HSPG2: variants seen among roughly 807,000 people sequenced by gnomAD.
HSPG2 encodes basement membrane-specific heparan sulfate proteoglycan core protein.
In HSPG2, 278 loss-of-function variants were observed where a neutral mutation model predicts 526.6. That is an observed-to-expected ratio of 0.53 (90% CI 0.48 to 0.58). The LOEUF (loss-of-function observed/expected upper bound fraction) is 0.58. Ranked by LOEUF, HSPG2 falls within the 20% of genes least tolerant of loss-of-function variation. The probability of loss-of-function intolerance (pLI) is 0.00; values close to 1 mark genes in which losing one functional copy is unlikely to be tolerated. For synonymous variants in HSPG2, 2,465 were observed against 2,555.4 expected, an observed-to-expected ratio of 0.96 and a Z score of 1.07; for missense variants, 5,354 against 6,099.5, an observed-to-expected ratio of 0.88 and a Z score of 4.07.
intron 75 of HSPG2, among the ~76,000 whole-genome samples, chr1:21,836,453 T>C (rs960272345): frequency 2.0e-5 from 3 of 152,106 alleles, no homozygotes; most frequent in Non-Finnish European, 4.4e-5. Flanking sequence ...TCCAGCGTAG[T>C]TGGGATTACA....
rs1214109173 is a variant in HSPG2 at position 21,875,612 on chromosome 1, G to A, written c.3302+17C>T. 1 of 1,591,134 alleles carries A rather than the reference G, an allele frequency of 6.3e-7. No homozygotes were observed. Among genetic ancestry groups the A allele is most frequent in the Non-Finnish European group, 8.5e-7 (1 of 1,171,532 alleles). On this transcript the variant is annotated intron_variant, in intron 25 of 96. Coordinates refer to ENST00000374695, the MANE Select transcript of HSPG2 (RefSeq NM_005529.7). Reference sequence around the variant, plus strand: ...TCCCCAAGCCCATGCTGGTCCTCCTGCCCCGGCTCCAGACACCTGCTCTCA... The same window carrying A: ...TCCCCAAGCCCATGCTGGTCCTCCTACCCCGGCTCCAGACACCTGCTCTCA...
At position 21,855,688 on chromosome 1, in the gene HSPG2, C is replaced by G; in HGVS notation, c.5702-13G>C. ...CCGCCGGGGCCCCCTGACGAGTAGA[C>G]GTGGGGTCAGCACCCACCAAGCCTG... On this transcript the variant is annotated splice_polypyrimidine_tract_variant and intron_variant, in intron 45 of 96. Transcript: ENST00000374695. 6.3e-7 allele frequency: 1 copy of G among 1,581,976 alleles called. No homozygotes were observed. The highest frequency in any genetic ancestry group is 8.6e-7 in the Non-Finnish European group (1 of 1,166,358).
At chr1:21,903,446 C>T (rs1283076612) in intron 1 of HSPG2, among the ~76,000 whole-genome samples, 1 of 151,966 alleles carries the variant, frequency 6.6e-6, no homozygotes, top group Admixed American at 6.6e-5. Context: ...ACTAAAAATA[C>T]AAAAATTATC....
chr1:21,852,848 G>A lies in HSPG2; in HGVS notation c.6592-16C>T. 1.9e-6 allele frequency: 3 copies of A among 1,611,616 alleles called. No homozygotes were observed. The highest frequency in any genetic ancestry group is 8.5e-7 in the Non-Finnish European group (1 of 1,179,524). On this transcript the variant is annotated splice_polypyrimidine_tract_variant and intron_variant, in intron 51 of 96. Coordinates refer to ENST00000374695, the MANE Select transcript of HSPG2 (RefSeq NM_005529.7). ...AGCCGTGGGTCTGTGTGCAAATGGG[G>A]TGGGTTGGGAGGGGGCTGGAACAGT...
intron 44 of HSPG2, among the ~76,000 whole-genome samples, chr1:21,856,209 C>T (rs572675202): frequency 6.6e-6 from 1 of 152,210 alleles, no homozygotes; most frequent in African/African-American, 2.4e-5. Flanking sequence ...GCCCCAGCCA[C>T]GTGGTCTCTG....
In HSPG2 at chr1:21,875,711, G is replaced by A. The variant is rs746789780; in HGVS notation, c.3220C>T (p.Arg1074Trp). ...GCCAGTGCCATCAGCAGGTGCTCCC[G>A]TGTGGCTGGCTGCCCATCGGGCCGC... ...WQRPDGQPAT[R>W]EHLLMALAGI... The change falls in exon 25 of 97, where the codon CGG (arginine) becomes TGG (tryptophan). Residue 1074 changes from arginine to tryptophan, a missense_variant. Arg to Trp is a moderately radical substitution (Grantham distance 101). Transcript: ENST00000374695. The A allele has an allele frequency of 2.5e-5, 40 of 1,604,788 alleles. No homozygotes were observed. The highest frequency in any genetic ancestry group is 1.7e-4 in the Admixed American group (10 of 60,010).
Position 21,873,384 on chromosome 1 carries a change from G to A in HSPG2, c.3784C>T (p.Pro1262Ser), listed in dbSNP as rs143321920. 1.9e-6 allele frequency: 3 copies of A among 1,613,812 alleles called. No individual in the cohort carries two copies. Among genetic ancestry groups the A allele is most frequent in the African/African-American group, 2.7e-5 (2 of 75,032 alleles). The change falls in exon 30 of 97, where the codon CCA (proline) becomes TCA (serine). Residue 1262 changes from proline to serine, a missense_variant. By Grantham distance (74) the Pro-to-Ser change is moderately conservative (BLOSUM62 -1). Transcript: ENST00000374695. ...GYYGNPSQGQPCQRDSQVPGP... is the reference protein window; with the variant it reads ...GYYGNPSQGQSCQRDSQVPGP... ...CCCCAATCCTACTCACTCTGGCATG[G>A]CTGGCCCTGGCTGGGGTTGCCATAG...
In HSPG2 at chr1:21,824,654, A is replaced by G; in HGVS notation, c.12666-39T>C. 1 of 1,613,342 alleles carries G rather than the reference A, an allele frequency of 6.2e-7. No individual in the cohort carries two copies. Among genetic ancestry groups the G allele is most frequent in the Non-Finnish European group, 8.5e-7 (1 of 1,179,496 alleles). Reference sequence around the variant, plus strand: ...GCGGGTGAGGGGACAGAAGTCCCAGATTCCCATCCTCCCCATTAGGCCCAT... The same window carrying G: ...GCGGGTGAGGGGACAGAAGTCCCAGGTTCCCATCCTCCCCATTAGGCCCAT... On this transcript the variant is annotated intron_variant, in intron 92 of 96. Transcript: ENST00000374695. The surrounding 1 kb of genome is among the most constrained non-coding windows in gnomAD (Gnocchi z 5.9).
intron 68 of HSPG2, 46 bp downstream of exon 68, chr1:21,842,193 C>G (rs779029322): frequency 1.2e-6 from 2 of 1,612,802 alleles, no homozygotes; most frequent in Non-Finnish European, 1.7e-6. Flanking sequence ...GGCTTAGCTT[C>G]AGGGCCCTCC....
intron 1 of HSPG2, 51 bp downstream of exon 1, chr1:21,937,104 G>A (rs1025894537): frequency 1.4e-5 from 3 of 212,562 alleles, no homozygotes; most frequent in Non-Finnish European, 2.7e-5. Context: ...GGACCGGGGC[G>A]CCCCTAGCCC....
At chr1:21,931,850 C>A (rs1468481949) in intron 1 of HSPG2, among the ~76,000 whole-genome samples, 1 of 152,156 alleles carries the variant, frequency 6.6e-6, no homozygotes, top group Non-Finnish European at 1.5e-5. Flanking sequence ...CAGAAAAAAA[C>A]AGCGCAGGCT....
rs1209597796 is a variant in HSPG2, at chr1:21,823,270, T to C, written c.*46A>G. Reference sequence around the variant, plus strand: ...ATTAATAATAATATACTCGACATTGTCGGGCTGGGGCGTGGCCCGGGAGTC... The same window carrying C: ...ATTAATAATAATATACTCGACATTGCCGGGCTGGGGCGTGGCCCGGGAGTC... On this transcript the variant is annotated 3_prime_UTR_variant, in exon 97 of 97. Coordinates refer to ENST00000374695, the MANE Select transcript of HSPG2 (RefSeq NM_005529.7). The C allele has an allele frequency of 7.0e-7, 1 of 1,431,950 alleles. No homozygotes were observed. The highest frequency in any genetic ancestry group is 2.7e-5 in the Admixed American group (1 of 36,792). The allele number at this position is 1,431,950 out of a possible 1,614,324, so 88.7% of individuals were successfully genotyped here. A position where few individuals can be genotyped will look rare whatever the true frequency, so the allele number is the denominator to read the frequency against.
intron 3 of HSPG2, among the ~76,000 whole-genome samples, chr1:21,894,800 G>C (rs964478700): frequency 6.6e-6 from 1 of 152,192 alleles, no homozygotes; most frequent in Non-Finnish European, 1.5e-5. Flanking sequence ...ATTCCAGGAC[G>C]GGACGTGCCA....
chr1:21,881,241 C>A, intron 14 of HSPG2, 98 bp downstream of exon 14: 3 of 1,430,150 alleles, frequency 2.1e-6, no homozygotes, highest in Non-Finnish European at 3.0e-6. Flanking sequence ...ATGGTAACAC[C>A]TTTCCCTCCA....
chr1:21,876,755 G>A, intron 21 of HSPG2, 103 bp from the exon 22 acceptor site: 5 of 1,507,724 alleles, frequency 3.3e-6, no homozygotes, highest in South Asian at 1.2e-5. Context: ...AGACCCAGGG[G>A]AGCCACTGAA....
chr1:21,839,297 TC>T lies in HSPG2; in HGVS notation c.9889+73del. On this transcript the variant is annotated intron_variant, in intron 73 of 96. Coordinates refer to ENST00000374695, the MANE Select transcript of HSPG2 (RefSeq NM_005529.7). The surrounding 1 kb of genome is among the most constrained non-coding windows in gnomAD (Gnocchi z 4.5). Reference sequence around the variant, plus strand: ...GACCTCTGGATGGGGTTCCTGGGGTTCTGTGTGGGGTGGAGCCTAGTCGGGG... The same window carrying T: ...GACCTCTGGATGGGGTTCCTGGGGTTTGTGTGGGGTGGAGCCTAGTCGGGG... The T allele has an allele frequency of 6.4e-7, 1 of 1,557,218 alleles. No individual in the cohort carries two copies. The highest frequency in any genetic ancestry group is 1.4e-5 in the African/African-American group (1 of 73,996).
In HSPG2 at chr1:21,829,449, C is replaced by T. The variant is rs1355891587; in HGVS notation, c.11926G>A (p.Val3976Met). The change falls in exon 87 of 97, where the codon GTG becomes ATG. Residue 3976 changes from valine to methionine, a missense_variant. Transcript: ENST00000374695. ...ATCGCCAGGGACACGAAGTCCTCCA[C>T]AGGCCCGCTCTTCCCCCCGCTGAAC... ...LLFSGGKSGP[V>M]EDFVSLAMVG... 6.8e-6 allele frequency: 11 copies of T among 1,613,380 alleles called. No individual in the cohort carries two copies. Among genetic ancestry groups the T allele is most frequent in the East Asian group, 6.7e-5 (3 of 44,880 alleles).
chr1:21,914,847 C>A (rs545891209), intron 1 of HSPG2, among the ~76,000 whole-genome samples: 47 of 152,202 alleles, frequency 3.1e-4, no homozygotes, highest in South Asian at 6.2e-4. Context: ...GGTGCAGACC[C>A]TGCCCACCTG....
chr1:21,892,192 G>T (rs1457836998), intron 3 of HSPG2, among the ~76,000 whole-genome samples: 3 of 152,230 alleles, frequency 2.0e-5, no homozygotes, highest in African/African-American at 4.8e-5. Context: ...GCCCTGAACC[G>T]CTGGGCTAGG....
Sources: gnomAD v4.1 joint callset for allele counts (sites outside exome capture counted in the v4.1 genomes callset) on GRCh38, gnomAD v4.1.1 for gene constraint, Gnocchi (gnomAD v3.1) non-coding constraint, MANE v1.5 for transcripts, NCBI Gene and HGNC (gene_info 2026-07-23, HGNC 2026-07-21) for gene names.